RGS7BP: variants seen among roughly 807,000 people sequenced by gnomAD.
RGS7BP encodes the protein regulator of G protein signaling 7-binding protein.
RGS7BP carries 9 observed loss-of-function variants against 31.3 expected under a neutral mutation model. The observed-to-expected ratio is 0.29, with a 90% confidence interval of 0.17 to 0.50. The LOEUF (loss-of-function observed/expected upper bound fraction) is 0.50, where lower values mean the gene tolerates loss of function less well. Among genes scored for constraint, RGS7BP ranks in the 20% least tolerant of loss-of-function variants. RGS7BP has a pLI of 0.98. For missense variants in RGS7BP, 274 were observed against 322.0 expected (o/e 0.85, Z 1.14); for synonymous variants, 115 against 120.1 (o/e 0.96, Z 0.28).
At chr5:64,600,959 T>C (rs1743201729) in intron 5 of RGS7BP, among the ~76,000 whole-genome samples, 1 of 152,226 alleles carries the variant, frequency 6.6e-6, no homozygotes, top group Non-Finnish European at 1.5e-5. Context: ...TCCTGTTACA[T>C]AGACTGAGAT....
chr5:64,591,604 A>G (rs567806216), intron 3 of RGS7BP, among the ~76,000 whole-genome samples: 8 of 152,280 alleles, frequency 5.3e-5, no homozygotes, highest in African/African-American at 1.9e-4. Flanking sequence ...GTGCATACAT[A>G]TACTTTATCT....
intron 2 of RGS7BP, among the ~76,000 whole-genome samples, chr5:64,535,348 C>T (rs1395778205): frequency 6.6e-6 from 1 of 152,164 alleles, no homozygotes; most frequent in African/African-American, 2.4e-5. Flanking sequence ...TGCCTGATCT[C>T]AGCTTAAATA....
At position 64,506,681 on chromosome 5, in the gene RGS7BP, G is replaced by T; in HGVS notation, c.57G>T (p.Ser19=). ...GCCCCAGCCGGTCCACCCGCTCCTC[G>T]ATCTTCCAGATCAGCAAGCCCCCGC... The part of the protein sequence containing the change: ...KKRPSRSTRS[S]IFQISKPPLQ... Residue 19 remains serine (S), a synonymous_variant, in exon 1 of 6, where the codon TCG becomes TCT. Coordinates refer to ENST00000334025, the MANE Select transcript of RGS7BP (RefSeq NM_001029875.3). This position sits in a 1 kb window ranked among gnomAD's most constrained non-coding sequence, Gnocchi z 4.6. The T allele has an allele frequency of 1.2e-6, 2 of 1,613,218 alleles. No individual in the cohort carries two copies. Among genetic ancestry groups the T allele is most frequent in the South Asian group, 1.1e-5 (1 of 91,042 alleles).
intron 2 of RGS7BP, chr5:64,539,380 C>T (rs1741464600): frequency 6.6e-6 from 1 of 152,162 alleles, no homozygotes; most frequent in Non-Finnish European, 1.5e-5. Flanking sequence ...TTTTGATAAA[C>T]TAAAATTTAC....
At chr5:64,583,203 C>G (rs558374342) in intron 3 of RGS7BP, among the ~76,000 whole-genome samples, 1 of 152,076 alleles carries the variant, frequency 6.6e-6, no homozygotes, top group African/African-American at 2.4e-5. Context: ...GCCCGGCCGA[C>G]GTGGTGAAAC....
chr5:64,552,884 C>T (rs1309827264), intron 2 of RGS7BP, among the ~76,000 whole-genome samples: 1 of 152,066 alleles, frequency 6.6e-6, no homozygotes, highest in Non-Finnish European at 1.5e-5. Flanking sequence ...TGCAAAAGCC[C>T]AGATAATTTG....
intron 2 of RGS7BP, among the ~76,000 whole-genome samples, chr5:64,520,649 G>C (rs1319626460): frequency 6.6e-6 from 1 of 152,202 alleles, no homozygotes; most frequent in African/African-American, 2.4e-5. Context: ...CTCTGACCCA[G>C]GTCTGGGTAG....
chr5:64,587,527 A>G (rs1742791202), intron 3 of RGS7BP, among the ~76,000 whole-genome samples: 1 of 152,198 alleles, frequency 6.6e-6, no homozygotes, highest in South Asian at 2.1e-4. Context: ...TCAAAATTGC[A>G]TTAAGGAAAA....
intron 3 of RGS7BP, among the ~76,000 whole-genome samples, chr5:64,581,936 A>G (rs1347771125): frequency 6.6e-6 from 1 of 152,212 alleles, no homozygotes; most frequent in Non-Finnish European, 1.5e-5. Flanking sequence ...GTGAGGTAAA[A>G]TCTACATATA....
chr5:64,587,491 G>A (rs1742789541), intron 3 of RGS7BP, among the ~76,000 whole-genome samples: 1 of 152,128 alleles, frequency 6.6e-6, no homozygotes, highest in Admixed American at 6.5e-5. Context: ...AAAGATTGCT[G>A]GAACTGCTGT....
At chr5:64,553,452 G>A (rs957056161) in intron 2 of RGS7BP, among the ~76,000 whole-genome samples, 22 of 151,976 alleles carry the variant, frequency 1.4e-4, no homozygotes, top group Admixed American at 5.9e-4. Context: ...GATTACAAGC[G>A]TGAGACACCA....
At chr5:64,544,936 G>A (rs555369570) in intron 2 of RGS7BP, among the ~76,000 whole-genome samples, 4 of 152,264 alleles carry the variant, frequency 2.6e-5, no homozygotes, top group Non-Finnish European at 5.9e-5. Flanking sequence ...CAGCACTTTG[G>A]GAGACCAAGG....
chr5:64,577,658 T>C (rs1742472660), intron 3 of RGS7BP, among the ~76,000 whole-genome samples: 1 of 152,206 alleles, frequency 6.6e-6, no homozygotes, highest in Admixed American at 6.5e-5. Flanking sequence ...ATACTCCTAA[T>C]GCCTGATCAG....
intron 2 of RGS7BP, among the ~76,000 whole-genome samples, chr5:64,560,359 T>C (rs1206673749): frequency 6.6e-6 from 1 of 152,026 alleles, no homozygotes; most frequent in Non-Finnish European, 1.5e-5. Flanking sequence ...CATTCTGTGG[T>C]TTAAACCCTC....
chr5:64,580,221 T>C (rs949191355), intron 3 of RGS7BP, among the ~76,000 whole-genome samples: 6 of 152,150 alleles, frequency 3.9e-5, no homozygotes, highest in Non-Finnish European at 7.4e-5. Context: ...CCCTTGAAGC[T>C]TGGAGCACCT....
chr5:64,573,959 A>T (rs918602), intron 2 of RGS7BP, among the ~76,000 whole-genome samples: 43,940 of 152,006 alleles, frequency 0.29, 6,729 homozygotes, highest in South Asian at 0.37. Flanking sequence ...TTTAAAAAAT[A>T]TCTGCCTATG....
At chr5:64,507,564 T>A in intron 1 of RGS7BP, 147 bp from the exon 2 acceptor site, 1 of 631,788 alleles carries the variant, frequency 1.6e-6, no homozygotes, top group Non-Finnish European at 2.6e-6. Flanking sequence ...TGGTGCCTTC[T>A]GCTTTAAACA....
chr5:64,552,610 A>C (rs1432913444), intron 2 of RGS7BP, among the ~76,000 whole-genome samples: 1 of 152,206 alleles, frequency 6.6e-6, no homozygotes, highest in Non-Finnish European at 1.5e-5. Context: ...ATCTGGAATG[A>C]GAATTTCCAC....
intron 2 of RGS7BP, among the ~76,000 whole-genome samples, chr5:64,526,953 G>A (rs1161398836): frequency 6.6e-6 from 1 of 152,128 alleles, no homozygotes; most frequent in East Asian, 1.9e-4. Context: ...AACATTCAAA[G>A]CTTTCTTAAA....
Sources: allele counts gnomAD v4.1 joint callset (sites outside exome capture counted in the v4.1 genomes callset), GRCh38; gene constraint gnomAD v4.1.1; non-coding constraint Gnocchi (gnomAD v3.1); transcripts MANE v1.5; gene names NCBI Gene and HGNC (gene_info 2026-07-23, HGNC 2026-07-21).